RAB27A: variants seen among roughly 807,000 people sequenced by gnomAD.
The protein encoded by RAB27A is RAB27A, member RAS oncogene family, also known as ras-related protein Rab-27A.
In RAB27A, 17 loss-of-function variants were observed where a neutral mutation model predicts 20.8. That is an observed-to-expected ratio of 0.82 (90% confidence interval 0.56 to 1.23). The LOEUF is 1.23. Ranked by LOEUF, RAB27A falls within the 50% of genes most tolerant of loss-of-function variation. The probability of loss-of-function intolerance (pLI) is 0.00; values close to 1 mark genes in which losing one functional copy is unlikely to be tolerated. For missense variants in RAB27A, 277 were observed against 266.7 expected, an observed-to-expected ratio of 1.04 and a Z score of -0.27; for synonymous variants, 85 against 92.8, an observed-to-expected ratio of 0.92 and a Z score of 0.48.
At chr15:55,254,404 C>T (rs1897006752) in intron 2 of RAB27A, among the ~76,000 whole-genome samples, 2 of 152,058 alleles carry the variant, frequency 1.3e-5, no homozygotes, top group Non-Finnish European at 2.9e-5. Context: ...TTTAAAACCA[C>T]ATATGAATGT....
intron 3 of RAB27A, among the ~76,000 whole-genome samples, chr15:55,233,570 C>G (rs1263919828): frequency 2.6e-5 from 4 of 151,974 alleles, no homozygotes; most frequent in African/African-American, 7.2e-5. Context: ...ATGTAAGAAG[C>G]CAGACACAAA....
intron 1 of RAB27A, among the ~76,000 whole-genome samples, chr15:55,282,533 G>A (rs186077797): frequency 1.3e-5 from 2 of 152,280 alleles, no homozygotes; most frequent in East Asian, 3.9e-4. Flanking sequence ...CTAGAATCAG[G>A]GTGTTAATAA....
rs1894583701 is a variant in RAB27A, at chr15:55,205,213, C to T, written c.*294G>A. 1 of 436,224 alleles carries T rather than the reference C, an allele frequency of 2.3e-6. No individual in the cohort carries two copies. Among genetic ancestry groups the T allele is most frequent in the Non-Finnish European group, 4.3e-6 (1 of 235,000 alleles). The allele number at this position is 436,224 out of a possible 1,614,324, so 27.0% of individuals were successfully genotyped here. On this transcript the variant is annotated 3_prime_UTR_variant, in exon 7 of 7. Coordinates refer to ENST00000336787, the MANE Select transcript of RAB27A (RefSeq NM_183235.3). The stretch of plus-strand genomic sequence containing the variant: ...CATTCTACATAATAAATACACTCTT[C>T]TGTGACTGCAAAATTCTGAATCCTT...
chr15:55,242,884 T>A (rs530082707), intron 2 of RAB27A, among the ~76,000 whole-genome samples: 2 of 152,232 alleles, frequency 1.3e-5, no homozygotes, highest in Admixed American at 6.5e-5. Context: ...CTAATCTAGA[T>A]CTCATGTCTC....
intron 2 of RAB27A, among the ~76,000 whole-genome samples, chr15:55,313,789 T>C (rs543236053): frequency 4.5e-4 from 69 of 152,068 alleles, no homozygotes; most frequent in Non-Finnish European, 9.1e-4. Flanking sequence ...CTGGCTGACA[T>C]GGTGAAGCCC....
intron 2 of RAB27A, among the ~76,000 whole-genome samples, chr15:55,240,011 A>T (rs1896417701): frequency 6.6e-6 from 1 of 152,132 alleles, no homozygotes; most frequent in Admixed American, 6.6e-5. Context: ...GCAAGTCCAT[A>T]CGTGGCTTTC....
chr15:55,291,510 CAAAAAAAAAA>C (rs530643102), upstream of RAB27A, among the ~76,000 whole-genome samples: 112 of 69,030 alleles, frequency 1.6e-3, no homozygotes, highest in Non-Finnish European at 2.5e-3. Flanking sequence ...GACTCTGTTT[CAAAAAAAAAA>C]AAAAAAAAAA....
intron 1 of RAB27A, among the ~76,000 whole-genome samples, chr15:55,316,460 A>T (rs1253097189): frequency 6.6e-6 from 1 of 151,790 alleles, no homozygotes; most frequent in Non-Finnish European, 1.5e-5. Context: ...GGAGAGCATT[A>T]GGACAAATAC....
intron 2 of RAB27A, among the ~76,000 whole-genome samples, chr15:55,301,796 C>T (rs1397345736): frequency 1.3e-5 from 2 of 151,946 alleles, no homozygotes; most frequent in African/African-American, 2.4e-5. Context: ...CAGGCGTGTG[C>T]CACCATACCT....
intron 2 of RAB27A, among the ~76,000 whole-genome samples, chr15:55,239,428 A>C (rs1896392798): frequency 6.6e-6 from 1 of 152,202 alleles, no homozygotes; most frequent in African/African-American, 2.4e-5. Context: ...TTTTTAAATT[A>C]CCTCATTTGT....
intron 2 of RAB27A, among the ~76,000 whole-genome samples, chr15:55,294,966 T>C (rs1253001653): frequency 2.0e-5 from 3 of 152,110 alleles, no homozygotes; most frequent in Non-Finnish European, 4.4e-5. Flanking sequence ...TATCAGAATA[T>C]ATAAAGAGCT....
chr15:55,275,750 G>GA (rs992516743), intron 1 of RAB27A, among the ~76,000 whole-genome samples: 4 of 150,012 alleles, frequency 2.7e-5, no homozygotes, highest in African/African-American at 7.3e-5. Flanking sequence ...ACCCCCAAAA[G>GA]AAAAAAAAAT....
chr15:55,280,646 T>C (rs555006952), intron 1 of RAB27A, among the ~76,000 whole-genome samples: 5 of 152,078 alleles, frequency 3.3e-5, no homozygotes, highest in African/African-American at 1.2e-4. Flanking sequence ...CTCCTAATGC[T>C]ATCCCTCCCC....
At chr15:55,244,642 A>AT (rs1896620395) in intron 2 of RAB27A, among the ~76,000 whole-genome samples, 1 of 152,216 alleles carries the variant, frequency 6.6e-6, no homozygotes, top group Non-Finnish European at 1.5e-5. Flanking sequence ...ATGGTTCAAT[A>AT]TTTGAGTGTT....
At chr15:55,254,203 G>A (rs1896998924) in intron 2 of RAB27A, among the ~76,000 whole-genome samples, 1 of 151,994 alleles carries the variant, frequency 6.6e-6, no homozygotes, top group African/African-American at 2.4e-5. Context: ...TTTTGACCTC[G>A]AGAAATACCT....
chr15:55,302,834 C>T (rs2054978845), intron 2 of RAB27A, among the ~76,000 whole-genome samples: 1 of 141,176 alleles, frequency 7.1e-6, no homozygotes, highest in Admixed American at 6.9e-5. Context: ...GACCCTCTGC[C>T]TGGCAACCAC....
In RAB27A at chr15:55,206,320, G is replaced by A. The variant is rs143026749; in HGVS notation, c.468-615C>T. The A allele has an allele frequency of 1.9e-5, 15 of 785,360 alleles. No individual in the cohort carries two copies. In the East Asian group the frequency reaches 1.9e-3, roughly 100 times the overall value. The allele number at this position is 785,360 out of a possible 1,614,324, so 48.6% of individuals were successfully genotyped here. On this transcript the variant is annotated intron_variant, in intron 6 of 6. Transcript: ENST00000336787. ...TATAAGTAGGGGATTCTGGAAGACAGAGACAGAATTAAATCTTTTTTCGTT... is the reference window on the plus strand; with the variant it reads ...TATAAGTAGGGGATTCTGGAAGACAAAGACAGAATTAAATCTTTTTTCGTT...
chr15:55,243,098 T>C lies in RAB27A; in HGVS notation c.-22-8142A>G, dbSNP rs143163302. Among the ~76,000 whole-genome samples, 131 of 152,164 alleles carry C rather than the reference T, an allele frequency of 8.6e-4. 2 individuals carry two copies. Among genetic ancestry groups the C allele is most frequent in the African/African-American group, 3.1e-3 (127 of 41,512 alleles). ...GGGATCTGTACTTCTGTGCTCAGAGTCCCTCTATCAAGAAGCCCTTCATCC... is the reference window on the plus strand; with the variant it reads ...GGGATCTGTACTTCTGTGCTCAGAGCCCCTCTATCAAGAAGCCCTTCATCC... On this transcript the variant is annotated intron_variant, in intron 2 of 6. Transcript: ENST00000336787.
chr15:55,283,458 C>A (rs1185343684), intron 1 of RAB27A, among the ~76,000 whole-genome samples: 1 of 152,162 alleles, frequency 6.6e-6, no homozygotes, highest in Non-Finnish European at 1.5e-5. Flanking sequence ...AATACCACAA[C>A]CCACTTCACT....
Sources: gnomAD v4.1 joint callset for allele counts (sites outside exome capture counted in the v4.1 genomes callset) on GRCh38, gnomAD v4.1.1 for gene constraint, MANE v1.5 for transcripts, NCBI Gene and HGNC (gene_info 2026-07-23, HGNC 2026-07-21) for gene names.